ABCC1: variants seen among roughly 807,000 people sequenced by gnomAD.
ABCC1 encodes the protein multidrug resistance-associated protein 1.
A neutral mutation model predicts 172.9 loss-of-function variants in ABCC1; 83 were observed. The observed-to-expected ratio is 0.48, with a 90% CI of 0.40 to 0.58. ABCC1 has a LOEUF of 0.58. ABCC1 is among the 20% of genes least tolerant of loss of function. ABCC1 has a pLI of 0.00. For synonymous variants in ABCC1, 937 were observed against 825.2 expected, an observed-to-expected ratio of 1.14 and a Z score of -2.32; for missense variants, 1,817 against 2,002.7, an observed-to-expected ratio of 0.91 and a Z score of 1.77.
intron 9 of ABCC1, among the ~76,000 whole-genome samples, chr16:16,046,495 C>T (rs1227991366): frequency 6.6e-6 from 1 of 152,138 alleles, no homozygotes; most frequent in Non-Finnish European, 1.5e-5. Flanking sequence ...CAGGCGCCTG[C>T]CACCACGACC....
At chr16:16,002,285 A>C (rs1006438814) in intron 1 of ABCC1, among the ~76,000 whole-genome samples, 5 of 152,180 alleles carry the variant, frequency 3.3e-5, no homozygotes, top group Non-Finnish European at 7.3e-5. Context: ...CGATTTGATA[A>C]CAGAAGATGT....
chr16:16,031,182 C>G (rs2151825058), intron 5 of ABCC1, among the ~76,000 whole-genome samples: 1 of 152,288 alleles, frequency 6.6e-6, no homozygotes, highest in South Asian at 2.1e-4. Flanking sequence ...CACGCCCAGC[C>G]TTGAATGGAA....
intron 1 of ABCC1, among the ~76,000 whole-genome samples, chr16:15,993,189 C>A (rs1157008547): frequency 1.3e-5 from 2 of 152,190 alleles, no homozygotes; most frequent in African/African-American, 4.8e-5. Context: ...TAGCCCAGGT[C>A]TAGGCATATA....
chr16:16,116,638 C>A (rs1268889105), intron 23 of ABCC1, among the ~76,000 whole-genome samples: 1 of 152,012 alleles, frequency 6.6e-6, no homozygotes, highest in Admixed American at 6.6e-5. Flanking sequence ...TCTCGGCTCA[C>A]TGCAACATCT....
At chr16:16,023,145 C>G (rs527781797) in intron 5 of ABCC1, among the ~76,000 whole-genome samples, 2 of 152,278 alleles carry the variant, frequency 1.3e-5, no homozygotes, top group Admixed American at 1.3e-4. Flanking sequence ...AACTCCTGGC[C>G]TCAAGCCATC....
rs45491896 is a variant in ABCC1 at position 16,083,678 on chromosome 16, C to A, written c.2292+136C>A. On this transcript the variant is annotated intron_variant, in intron 17 of 30. Transcript: ENST00000399410. ...GGCTCAGCTGGGCGGCTCTGCTGCA[C>A]GCTGCAGGCCAGCTGAACTTGGGTC... The A allele has an allele frequency of 9.9e-6, 11 of 1,108,812 alleles. No individual in the cohort carries two copies. In the African/African-American group the frequency reaches 1.6e-4, roughly 16 times the overall value. The allele number at this position is 1,108,812 out of a possible 1,614,324, so 68.7% of individuals were successfully genotyped here.
intron 1 of ABCC1, among the ~76,000 whole-genome samples, chr16:15,963,319 C>T (rs1043204074): frequency 1.6e-4 from 24 of 152,252 alleles, no homozygotes; most frequent in African/African-American, 3.1e-4. Flanking sequence ...TGAGTGTCTC[C>T]GTCTTTTCCA....
intron 10 of ABCC1, among the ~76,000 whole-genome samples, chr16:16,051,951 C>G (rs1315226213): frequency 6.6e-6 from 1 of 152,036 alleles, no homozygotes; most frequent in African/African-American, 2.4e-5. Flanking sequence ...AAAATCTAAG[C>G]TGGGTGTGAT....
intron 1 of ABCC1, among the ~76,000 whole-genome samples, chr16:15,950,084 C>T (rs1269574394): frequency 6.6e-6 from 1 of 151,924 alleles, no homozygotes; most frequent in Admixed American, 6.6e-5. Flanking sequence ...GGAGGCCTTC[C>T]TGTTTTGGGG....
At chr16:15,969,900 G>A (rs1242784483) in intron 1 of ABCC1, among the ~76,000 whole-genome samples, 1 of 152,080 alleles carries the variant, frequency 6.6e-6, no homozygotes, top group Non-Finnish European at 1.5e-5. Context: ...GCTGGGAATC[G>A]AGCGGTATAC....
At position 16,099,240 on chromosome 16, in the gene ABCC1, TGG is replaced by T. The variant is rs1334022180; in HGVS notation, c.2645-3386_2645-3385del. Among the ~76,000 whole-genome samples, 21 of 152,326 alleles carry T rather than the reference TGG, an allele frequency of 1.4e-4. No homozygotes were observed. The East Asian group carries it at 4.1e-3, about 29-fold the overall frequency. On this transcript the variant is annotated intron_variant, in intron 19 of 30. Transcript: ENST00000399410. ...TGGCACACAGTGGATGGACAATAAA[TGG>T]CAACAGTTTGATTGTGAGCTGCCAC...
intron 1 of ABCC1, among the ~76,000 whole-genome samples, chr16:15,965,196 G>A (rs1175715496): frequency 1.3e-5 from 2 of 151,728 alleles, no homozygotes; most frequent in Non-Finnish European, 2.9e-5. Context: ...ACCTATAAAT[G>A]TCCAATCGAT....
rs114032525 is a variant in ABCC1 at position 16,041,675 on chromosome 16, T to C, written c.810-2775T>C. Among the ~76,000 whole-genome samples, 828 of 152,268 alleles carry C rather than the reference T, an allele frequency of 5.4e-3. 13 individuals are homozygous for C. Among genetic ancestry groups the C allele is most frequent in the African/African-American group, 0.019 (791 of 41,550 alleles). On this transcript the variant is annotated intron_variant, in intron 7 of 30. Coordinates refer to ENST00000399410, the MANE Select transcript of ABCC1 (RefSeq NM_004996.4). ...TGTTAACCAGAGAAAGGAATGCAGCTCGTGCAGCTCTGGGCTGCTGGGTAT... is the reference window on the plus strand; with the variant it reads ...TGTTAACCAGAGAAAGGAATGCAGCCCGTGCAGCTCTGGGCTGCTGGGTAT...
At chr16:16,111,287 G>A (rs2152085210) in intron 21 of ABCC1, 88 bp from the exon 22 acceptor site, 2 of 1,104,982 alleles carry the variant, frequency 1.8e-6, no homozygotes, top group Non-Finnish European at 1.4e-6. Flanking sequence ...GGGTGGCACA[G>A]TGCTGGTGAA....
intron 1 of ABCC1, among the ~76,000 whole-genome samples, chr16:15,968,829 C>T (rs1470441815): frequency 6.6e-6 from 1 of 152,154 alleles, no homozygotes; most frequent in African/African-American, 2.4e-5. Context: ...CTCAAGCAAT[C>T]CTCCCACCTT....
intron 1 of ABCC1, among the ~76,000 whole-genome samples, chr16:15,994,455 A>T (rs558779751): frequency 6.6e-6 from 1 of 152,122 alleles, no homozygotes; most frequent in South Asian, 2.1e-4. Context: ...GCTTAAATGG[A>T]CTGTGCTTGG....
At chr16:16,009,632 T>C (rs2047693569) in intron 2 of ABCC1, 144 bp from the exon 3 acceptor site, 1 of 813,178 alleles carries the variant, frequency 1.2e-6, no homozygotes, top group African/African-American at 1.8e-5. Flanking sequence ...CTTATTCCAG[T>C]GGATATGTGC....
In ABCC1 at chr16:16,026,465, CTT is replaced by C. The variant is rs1157942197; in HGVS notation, c.616-6622_616-6621del. On this transcript the variant is annotated intron_variant, in intron 5 of 30. Coordinates refer to ENST00000399410, the MANE Select transcript of ABCC1 (RefSeq NM_004996.4). ...AAAAAAAAAAAAAAAAGGCTATTTC[CTT>C]TTTTTTTTTTTTTTTTTTTTTGCCA... Among the ~76,000 whole-genome samples the C allele has an allele frequency of 8.5e-3, 810 of 95,448 alleles. 3 individuals are homozygous for C. The highest frequency in any genetic ancestry group is 0.032 in the African/African-American group (779 of 24,214). The allele number at this position is 95,448 out of a possible 152,430, so 62.6% of individuals were successfully genotyped here. A position where few individuals can be genotyped will look rare whatever the true frequency, so the allele number is the denominator to read the frequency against.
chr16:16,082,047 C>T (rs1390393424), intron 16 of ABCC1, among the ~76,000 whole-genome samples: 1 of 152,122 alleles, frequency 6.6e-6, no homozygotes, highest in East Asian at 1.9e-4. Context: ...CCCCTTGCCC[C>T]TCTGATAAAG....
Sources: gnomAD v4.1 joint callset for allele counts (sites outside exome capture counted in the v4.1 genomes callset) on GRCh38, gnomAD v4.1.1 for gene constraint, MANE v1.5 for transcripts, NCBI Gene and HGNC (gene_info 2026-07-23, HGNC 2026-07-21) for gene names.